The following MEF2B variants were observed in gnomAD, a reference collection of about 807,000 sequenced individuals.
MEF2B encodes myocyte enhancer factor 2B, also known as myocyte-specific enhancer factor 2B.
In MEF2B, 15 loss-of-function variants were observed where a neutral mutation model predicts 32.2. That is an observed-to-expected ratio of 0.47 (90% confidence interval 0.31 to 0.72). The LOEUF is 0.72. Among genes scored for constraint, MEF2B ranks in the 30% least tolerant of loss-of-function variants. The probability of loss-of-function intolerance (pLI) is 0.05; values close to 1 mark genes in which losing one functional copy is unlikely to be tolerated. For missense variants in MEF2B, 441 were observed against 511.5 expected, an observed-to-expected ratio of 0.86 and a Z score of 1.33; for synonymous variants, 205 against 225.6, an observed-to-expected ratio of 0.91 and a Z score of 0.82.
chr19:19,169,481 G>A (rs1019572248), intron 1 of MEF2B, among the ~76,000 whole-genome samples: 6 of 152,184 alleles, frequency 3.9e-5, no homozygotes, highest in African/African-American at 1.4e-4. Flanking sequence ...GGGATTACAG[G>A]CATGAGCCAC....
intron 5 of MEF2B, 73 bp from the exon 6 acceptor site, chr19:19,146,948 T>C (rs963950789): frequency 9.5e-6 from 15 of 1,571,418 alleles, no homozygotes; most frequent in African/African-American, 1.4e-5. Context: ...GGTTTAGAGG[T>C]GATGCACGCA....
intron 1 of MEF2B, among the ~76,000 whole-genome samples, chr19:19,168,112 C>T (rs867957514): frequency 2.0e-5 from 3 of 152,166 alleles, no homozygotes; most frequent in Admixed American, 1.3e-4. Context: ...ACTGGTTCTC[C>T]GAAGTCGAAA....
At chr19:19,163,105 C>G (rs1388164514) in intron 1 of MEF2B, among the ~76,000 whole-genome samples, 1 of 152,192 alleles carries the variant, frequency 6.6e-6, no homozygotes, top group African/African-American at 2.4e-5. Flanking sequence ...TCTCCATGTC[C>G]TCTAAAGACC....
rs923830438 is a variant in MEF2B at position 19,146,259 on chromosome 19, C to T, written c.881+14G>A. ...TTGGAGGACTGGGACTTGCCGTCGTCTCAGGGCACTTACCTGGGCTGGGAG... is the reference window on the plus strand; with the variant it reads ...TTGGAGGACTGGGACTTGCCGTCGTTTCAGGGCACTTACCTGGGCTGGGAG... On this transcript the variant is annotated intron_variant, in intron 8 of 8. Coordinates refer to ENST00000424583, the MANE Select transcript of MEF2B (RefSeq NM_001145785.2). 33 of 1,241,656 alleles carry T rather than the reference C, an allele frequency of 2.7e-5. No individual in the cohort carries two copies. The highest frequency in any genetic ancestry group is 3.5e-5 in the Non-Finnish European group (33 of 952,376). The allele number at this position is 1,241,656 out of a possible 1,614,324, so 76.9% of individuals were successfully genotyped here.
chr19:19,162,571 G>A (rs1042396880), intron 1 of MEF2B, among the ~76,000 whole-genome samples: 2 of 152,176 alleles, frequency 1.3e-5, no homozygotes, highest in African/African-American at 2.4e-5. Flanking sequence ...CCCCATGGGG[G>A]TCCTTTTTTC....
At chr19:19,161,218 T>C (rs573891510) in intron 1 of MEF2B, among the ~76,000 whole-genome samples, 1 of 152,104 alleles carries the variant, frequency 6.6e-6, no homozygotes, top group African/African-American at 2.4e-5. Flanking sequence ...CTCTCCATCC[T>C]GGGGGAACCC....
intron 3 of MEF2B, 65 bp from the exon 4 acceptor site, chr19:19,147,897 T>C: frequency 6.4e-7 from 1 of 1,563,280 alleles, no homozygotes; most frequent in Non-Finnish European, 8.6e-7. Context: ...CCCAGTTCTA[T>C]GGGAGAGGGG....
chr19:19,146,732 C>T lies in MEF2B; in HGVS notation c.675+10G>A. ...CCTCATCAGCCCTGCCACACCCTCC[C>T]CTCACTCACGGAGGTGTTTAGTCCC... On this transcript the variant is annotated intron_variant, in intron 6 of 8. Coordinates refer to ENST00000424583, the MANE Select transcript of MEF2B (RefSeq NM_001145785.2). The T allele has an allele frequency of 1.2e-6, 2 of 1,614,018 alleles. No homozygotes were observed. Among genetic ancestry groups the T allele is most frequent in the South Asian group, 1.1e-5 (1 of 91,084 alleles).
At chr19:19,152,380 C>G (rs867652527) in intron 1 of MEF2B, among the ~76,000 whole-genome samples, 6 of 113,368 alleles carry the variant, frequency 5.3e-5, no homozygotes, top group African/African-American at 2.0e-4. Context: ...GACTCTGTCT[C>G]AAAAAAAAAA....
chr19:19,155,337 T>A (rs1314629477), intron 1 of MEF2B, among the ~76,000 whole-genome samples: 1 of 152,096 alleles, frequency 6.6e-6, no homozygotes, highest in Admixed American at 6.6e-5. Flanking sequence ...AAAAACCCAT[T>A]CCTCTAGGAA....
rs780254315 is a variant in MEF2B, at chr19:19,146,009, G to C, written c.895C>G (p.Leu299Val). 27 of 1,433,710 alleles carry C rather than the reference G, an allele frequency of 1.9e-5. No individual in the cohort carries two copies. The highest frequency in any genetic ancestry group is 2.5e-5 in the Non-Finnish European group (27 of 1,094,710). The allele number at this position is 1,433,710 out of a possible 1,614,324, so 88.8% of individuals were successfully genotyped here. The change falls in exon 9 of 9, where the codon CTG becomes GTG. Residue 299 changes from leucine to valine, a missense_variant. This residue lies in a region of MEF2B where 326 missense variants were observed against 328.4 expected (regional missense o/e 0.99). Coordinates refer to ENST00000424583, the MANE Select transcript of MEF2B (RefSeq NM_001145785.2). ...CGGGTTGGGGGACCCTCCTCGCCCAGGCTTCGGCCCCCACTGCAGGGGGAA... is the reference window on the plus strand; with the variant it reads ...CGGGTTGGGGGACCCTCCTCGCCCACGCTTCGGCCCCCACTGCAGGGGGAA... Reference protein sequence around the residue: ...VSSQPSGGRSLGEEGPPTRGA... With the variant: ...VSSQPSGGRSVGEEGPPTRGA...
In MEF2B at chr19:19,146,335, G is replaced by A; in HGVS notation, c.819C>T (p.Pro273=). ...TCGAGGGCTGCCAGGGGGCCAGGGT[G>A]GGGGGCTGCAACAAGCCAGGGGGCG... is the stretch of plus-strand genomic sequence containing the variant. ...PPPPPGLLQP[P]TLAPWQPSRG... Residue 273 remains proline, a synonymous_variant, in exon 8 of 9, where the codon CCC becomes CCT. Transcript: ENST00000424583. 1 of 1,232,092 alleles carries A rather than the reference G, an allele frequency of 8.1e-7. No individual in the cohort carries two copies. The highest frequency in any genetic ancestry group is 1.8e-5 in the South Asian group (1 of 54,438). 76.3% of individuals were successfully genotyped at this position (1,232,092 alleles called of 1,614,324 possible).
Position 19,168,855 on chromosome 19 carries a change from C to T in MEF2B, c.-30+1350G>A, listed in dbSNP as rs1320024891. ...AGGCAGGCAGATCACATGAGACCAG[C>T]CTGGCAAACATGGTGAAACAACGTC... is the stretch of plus-strand genomic sequence containing the variant. On this transcript the variant is annotated intron_variant, in intron 1 of 8. Coordinates refer to ENST00000424583, the MANE Select transcript of MEF2B (RefSeq NM_001145785.2). Among the ~76,000 whole-genome samples, 3 of 150,656 alleles carry T rather than the reference C, an allele frequency of 2.0e-5. 1 individual carries two copies. The highest frequency in any genetic ancestry group is 4.4e-5 in the Non-Finnish European group (3 of 67,790).
chr19:19,168,729 G>A (rs545290595), intron 1 of MEF2B, among the ~76,000 whole-genome samples: 2 of 151,968 alleles, frequency 1.3e-5, no homozygotes, highest in Admixed American at 6.6e-5. Context: ...GAGTAGCTGG[G>A]ACTATACACA....
intron 1 of MEF2B, among the ~76,000 whole-genome samples, chr19:19,156,121 T>A (rs532055643): frequency 6.6e-6 from 1 of 152,280 alleles, no homozygotes; most frequent in African/African-American, 2.4e-5. Flanking sequence ...CCTACTCCTT[T>A]CATTGCACCC....
intron 1 of MEF2B, 120 bp downstream of exon 1, chr19:19,170,085 C>G (rs2060242077): frequency 2.5e-6 from 1 of 397,650 alleles, no homozygotes; most frequent in East Asian, 3.6e-5. Flanking sequence ...ACACACACCC[C>G]TTTAGACACA....
chr19:19,149,558 T>C, intron 2 of MEF2B, 129 bp from the exon 3 acceptor site: 5 of 1,288,414 alleles, frequency 3.9e-6, no homozygotes, highest in Non-Finnish European at 4.3e-6. Context: ...GAGCTGGTAA[T>C]TCTCATGTCA....
intron 8 of MEF2B, 120 bp from the exon 9 acceptor site, chr19:19,146,142 T>C: frequency 1.0e-6 from 1 of 965,794 alleles, no homozygotes; most frequent in Non-Finnish European, 1.4e-6. Flanking sequence ...GGGGTGGCGG[T>C]CCCTCTTGGG....
chr19:19,152,237 C>T (rs2060088690), intron 1 of MEF2B, among the ~76,000 whole-genome samples: 4 of 151,556 alleles, frequency 2.6e-5, no homozygotes, highest in Admixed American at 2.6e-4. Context: ...GGGATTACCA[C>T]CGCATCCTAC....
Sources: allele counts gnomAD v4.1 joint callset (sites outside exome capture counted in the v4.1 genomes callset), GRCh38; gene constraint gnomAD v4.1.1; regional missense constraint gnomAD v4.1.1; transcripts MANE v1.5; gene names NCBI Gene and HGNC (gene_info 2026-07-23, HGNC 2026-07-21).